The following EPHA6 variants were observed in gnomAD, a reference collection of about 807,000 sequenced individuals.
EPHA6 encodes the protein ephrin type-A receptor 6.
EPHA6 carries 50 observed loss-of-function variants against 112.0 expected under a neutral mutation model. That is an observed-to-expected ratio of 0.45 (90% CI 0.36 to 0.56). The LOEUF (loss-of-function observed/expected upper bound fraction) is 0.56. EPHA6 is among the 20% of genes least tolerant of loss of function. The probability of loss-of-function intolerance (pLI) is 0.00; values close to 1 mark genes in which losing one functional copy is unlikely to be tolerated. For synonymous variants in EPHA6, 529 were observed against 490.7 expected (o/e 1.08, Z -1.03); for missense variants, 1,280 against 1,417.4 (o/e 0.90, Z 1.56).
At chr3:97,356,413 A>T (rs905958585) in intron 5 of EPHA6, among the ~76,000 whole-genome samples, 1 of 152,210 alleles carries the variant, frequency 6.6e-6, no homozygotes, top group Non-Finnish European at 1.5e-5. Flanking sequence ...CCCCCATTCC[A>T]TGGAAAAATT....
chr3:97,678,220 C>A (rs964579800), intron 14 of EPHA6, among the ~76,000 whole-genome samples: 3 of 152,090 alleles, frequency 2.0e-5, no homozygotes, highest in Admixed American at 1.3e-4. Context: ...CTCTCCCAGC[C>A]TAGTGTATAT....
intron 2 of EPHA6, among the ~76,000 whole-genome samples, chr3:96,878,040 A>G (rs2107498808): frequency 6.6e-6 from 1 of 151,926 alleles, no homozygotes; most frequent in Non-Finnish European, 1.5e-5. Flanking sequence ...GTGATTAATT[A>G]AACAAATTAT....
intron 14 of EPHA6, among the ~76,000 whole-genome samples, chr3:97,719,824 G>T (rs940954267): frequency 2.6e-5 from 4 of 152,124 alleles, no homozygotes; most frequent in Non-Finnish European, 4.4e-5. Context: ...GGTAGAGAAT[G>T]TTTCCGTTCT....
intron 2 of EPHA6, among the ~76,000 whole-genome samples, chr3:96,952,841 T>C (rs564766011): frequency 3.3e-5 from 5 of 151,950 alleles, no homozygotes; most frequent in Non-Finnish European, 5.9e-5. Context: ...GGAACAACAC[T>C]GTAGTATGCC....
chr3:96,961,154 C>A (rs1424032910), intron 2 of EPHA6, among the ~76,000 whole-genome samples: 2 of 152,208 alleles, frequency 1.3e-5, no homozygotes, highest in Non-Finnish European at 2.9e-5. Flanking sequence ...TGAGGTAAGG[C>A]CTCTGAATGC....
intron 11 of EPHA6, among the ~76,000 whole-genome samples, chr3:97,538,807 A>C (rs1560112593): frequency 6.6e-6 from 1 of 152,194 alleles, no homozygotes; most frequent in Admixed American, 6.5e-5. Flanking sequence ...GCCAGATGGC[A>C]ATGGATTTAG....
chr3:97,281,226 TGTGCGC>T (rs754181641), intron 5 of EPHA6, among the ~76,000 whole-genome samples: 1 of 142,118 alleles, frequency 7.0e-6, no homozygotes, highest in African/African-American at 3.0e-5. Flanking sequence ...TGTGTGTGTG[TGTGCGC>T]GCGTGTGTGC....
chr3:97,483,858 C>T (rs992310723), intron 9 of EPHA6, 76 bp from the exon 10 acceptor site: 41 of 1,386,340 alleles, frequency 3.0e-5, no homozygotes, highest in Middle Eastern at 2.2e-4. Context: ...ATGTCATTTC[C>T]GGTTTTAAAT....
chr3:97,001,680 T>C (rs1486424510), intron 3 of EPHA6, among the ~76,000 whole-genome samples: 2 of 152,004 alleles, frequency 1.3e-5, no homozygotes, highest in African/African-American at 2.4e-5. Context: ...CTGGAAATGG[T>C]AGTCTCAGTT....
At chr3:97,613,462 T>C (rs946746803) in intron 13 of EPHA6, among the ~76,000 whole-genome samples, 1 of 152,126 alleles carries the variant, frequency 6.6e-6, no homozygotes, top group African/African-American at 2.4e-5. Context: ...AATTTGTTAT[T>C]TTATTATGAA....
At chr3:97,649,068 A>T (rs905226108) in intron 14 of EPHA6, among the ~76,000 whole-genome samples, 1 of 152,136 alleles carries the variant, frequency 6.6e-6, no homozygotes, top group Admixed American at 6.6e-5. Flanking sequence ...GAAAATCATG[A>T]AACCAACCGT....
intron 3 of EPHA6, among the ~76,000 whole-genome samples, chr3:97,199,903 G>T (rs542274843): frequency 6.6e-6 from 1 of 152,034 alleles, no homozygotes; most frequent in Non-Finnish European, 1.5e-5. Context: ...CTTTAATAGA[G>T]TTTCATTAAT....
intron 5 of EPHA6, among the ~76,000 whole-genome samples, chr3:97,314,544 G>C (rs545254915): frequency 6.6e-6 from 1 of 151,638 alleles, no homozygotes; most frequent in South Asian, 2.1e-4. Context: ...TTGGTTTAGG[G>C]TATCTAAAAG....
chr3:97,127,581 C>T (rs894672920), intron 3 of EPHA6, among the ~76,000 whole-genome samples: 10 of 151,926 alleles, frequency 6.6e-5, no homozygotes, highest in African/African-American at 1.9e-4. Context: ...ATTAGCTGGG[C>T]GCAGTGGTGC....
At chr3:97,249,714 T>A (rs1045916452) in intron 5 of EPHA6, among the ~76,000 whole-genome samples, 9 of 152,200 alleles carry the variant, frequency 5.9e-5, no homozygotes, top group Non-Finnish European at 1.3e-4. Context: ...AATGATGTGT[T>A]ATTGACTAAG....
At chr3:96,901,750 C>A (rs62263677) in intron 2 of EPHA6, among the ~76,000 whole-genome samples, 1 of 152,046 alleles carries the variant, frequency 6.6e-6, no homozygotes, top group Non-Finnish European at 1.5e-5. Context: ...CTGGGCAAGA[C>A]CCTGCAAGTA....
At chr3:97,707,274 A>G (rs1273060303) in intron 14 of EPHA6, among the ~76,000 whole-genome samples, 5 of 152,180 alleles carry the variant, frequency 3.3e-5, no homozygotes, top group Admixed American at 3.3e-4. Flanking sequence ...CACCATACTA[A>G]ATACTGTGAA....
intron 5 of EPHA6, among the ~76,000 whole-genome samples, chr3:97,318,938 TC>T (rs1441304169): frequency 2.0e-5 from 3 of 151,818 alleles, no homozygotes; most frequent in African/African-American, 7.3e-5. Flanking sequence ...TGAACAACAT[TC>T]CAATAGTAGA....
chr3:97,733,843 G>A (rs1182123403), intron 15 of EPHA6, among the ~76,000 whole-genome samples: 1 of 152,046 alleles, frequency 6.6e-6, no homozygotes, highest in Non-Finnish European at 1.5e-5. Flanking sequence ...CAGATGCCAT[G>A]ACAAAAGATA....
Sources: allele counts gnomAD v4.1 joint callset (sites outside exome capture counted in the v4.1 genomes callset), GRCh38; gene constraint gnomAD v4.1.1; transcripts MANE v1.5; gene names NCBI Gene and HGNC (gene_info 2026-07-23, HGNC 2026-07-21).